The following RBM33 variants were observed in gnomAD, a reference collection of about 807,000 sequenced individuals.
The protein encoded by RBM33 is RNA-binding protein 33.
In RBM33, 28 loss-of-function variants were observed where a neutral mutation model predicts 132.6. The ratio of observed to expected loss-of-function variants is 0.21; its 90% CI spans 0.16 to 0.29. The LOEUF is 0.29. RBM33 is among the 10% of genes least tolerant of loss of function. The probability of loss-of-function intolerance (pLI) is 1.00; values close to 1 mark genes in which losing one functional copy is unlikely to be tolerated. For missense variants in RBM33, 1,291 were observed against 1,518.5 expected (o/e 0.85, Z 2.49); for synonymous variants, 634 against 593.0 (o/e 1.07, Z -1.01).
chr7:155,695,444 T>C (rs1023526135), intron 5 of RBM33, among the ~76,000 whole-genome samples: 21 of 152,064 alleles, frequency 1.4e-4, no homozygotes, highest in Admixed American at 1.3e-3. Flanking sequence ...TTCTCTGAGT[T>C]TGTGGCTTGT....
At chr7:155,743,391 C>T (rs1801413122) in intron 13 of RBM33, among the ~76,000 whole-genome samples, 1 of 152,250 alleles carries the variant, frequency 6.6e-6, no homozygotes, top group South Asian at 2.1e-4. Flanking sequence ...GCCTTTCAGG[C>T]ATCCTGCTGG....
At chr7:155,763,732 G>A in intron 14 of RBM33, 80 bp from the exon 15 acceptor site, 1 of 1,311,844 alleles carries the variant, frequency 7.6e-7, no homozygotes, top group Non-Finnish European at 1.1e-6. Context: ...AACACTGGCT[G>A]AGGTGGGCTT....
intron 9 of RBM33, among the ~76,000 whole-genome samples, chr7:155,723,129 T>C (rs1017580428): frequency 5.3e-4 from 80 of 152,360 alleles, no homozygotes; most frequent in African/African-American, 1.9e-3. Context: ...CAGGTGGCAG[T>C]GAATGATGTT....
chr7:155,644,841 G>C lies in RBM33; in HGVS notation c.-36G>C, dbSNP rs925366287. On this transcript the variant is annotated 5_prime_UTR_variant, in exon 1 of 18. Transcript: ENST00000401878. ...GGCACGTCGGCCCACCAGCTGGCTT[G>C]GTGGGGGAGGCTGAAGGCCGGGCCC... 1.4e-6 allele frequency: 2 copies of C among 1,468,056 alleles called. No homozygotes were observed. The highest frequency in any genetic ancestry group is 1.5e-5 in the African/African-American group (1 of 68,136). The allele number at this position is 1,468,056 out of a possible 1,614,324, so 90.9% of individuals were successfully genotyped here.
chr7:155,707,185 A>C, intron 7 of RBM33, 117 bp downstream of exon 7: 1 of 922,614 alleles, frequency 1.1e-6, no homozygotes, highest in Non-Finnish European at 1.7e-6. Context: ...GGTTAGTAGC[A>C]GGGGTAATGG....
intron 5 of RBM33, among the ~76,000 whole-genome samples, chr7:155,699,406 C>G (rs1028031001): frequency 6.6e-6 from 1 of 152,174 alleles, no homozygotes; most frequent in African/African-American, 2.4e-5. Context: ...TCTAGAGCAT[C>G]ATGGGAGCGG....
intron 16 of RBM33, among the ~76,000 whole-genome samples, chr7:155,771,950 G>A (rs2117083417): frequency 6.6e-6 from 1 of 152,164 alleles, no homozygotes; most frequent in East Asian, 1.9e-4. Flanking sequence ...CTTGAGTATA[G>A]TACTTCCAAA....
At chr7:155,645,247 C>T (rs117750065) in intron 1 of RBM33, 10,454 of 254,082 alleles carry the variant, frequency 0.041, 277 homozygotes, top group Non-Finnish European at 0.056. Flanking sequence ...TAGGAGAGCG[C>T]CCCCCCCACC....
chr7:155,658,615 G>C (rs1340934297), intron 1 of RBM33, among the ~76,000 whole-genome samples: 1 of 152,126 alleles, frequency 6.6e-6, no homozygotes, highest in Non-Finnish European at 1.5e-5. Context: ...TGGTCAGGTT[G>C]GTCTCAAACT....
chr7:155,734,683 C>T (rs1046474598), intron 9 of RBM33, among the ~76,000 whole-genome samples: 1 of 151,964 alleles, frequency 6.6e-6, no homozygotes, highest in African/African-American at 2.4e-5. Flanking sequence ...GTTTGAAACC[C>T]CTCCCGTGTG....
intron 1 of RBM33, among the ~76,000 whole-genome samples, chr7:155,660,514 T>C (rs960195147): frequency 1.3e-5 from 2 of 152,230 alleles, no homozygotes; most frequent in African/African-American, 4.8e-5. Context: ...GTGAATGTCT[T>C]TATGAAAGAT....
intron 4 of RBM33, 108 bp from the exon 5 acceptor site, chr7:155,680,482 T>G: frequency 2.4e-6 from 2 of 830,228 alleles, no homozygotes; most frequent in Non-Finnish European, 3.7e-6. Flanking sequence ...CTGGAATAAC[T>G]TTTTATCAGT....
Position 155,706,940 on chromosome 7 carries a change from AGGCGGGGAGGAC to A in RBM33, c.825_836del (p.Arg278_Gly281del). 1 of 1,605,734 alleles carries A rather than the reference AGGCGGGGAGGAC, an allele frequency of 6.2e-7. No homozygotes were observed. The highest frequency in any genetic ancestry group is 8.5e-7 in the Non-Finnish European group (1 of 1,176,282). On this transcript the variant is annotated inframe_deletion, in exon 7 of 18. Coordinates refer to ENST00000401878, the MANE Select transcript of RBM33 (RefSeq NM_053043.3). Reference sequence around the variant, plus strand: ...GCATAAACAAGGACGCTACAGCTCCAGGCGGGGAGGACGGCGAGGAGGTCCGCTGATGTGTCG... The same window carrying A: ...GCATAAACAAGGACGCTACAGCTCCAGGCGAGGAGGTCCGCTGATGTGTCG...
chr7:155,770,620 A>G lies in RBM33; in HGVS notation c.3376-3939A>G, dbSNP rs1342851523. On this transcript the variant is annotated intron_variant, in intron 16 of 17. Coordinates refer to ENST00000401878, the MANE Select transcript of RBM33 (RefSeq NM_053043.3). ...TTTTTTTTTTTTTTTTTTTCCTTTAAGTGATTCCTTAAGGTGCTAGAATTG... is the reference window on the plus strand; with the variant it reads ...TTTTTTTTTTTTTTTTTTTCCTTTAGGTGATTCCTTAAGGTGCTAGAATTG... Among the ~76,000 whole-genome samples the G allele has an allele frequency of 3.8e-4, 53 of 140,892 alleles. 1 individual carries two copies. Among genetic ancestry groups the G allele is most frequent in the Non-Finnish European group, 6.1e-5 (4 of 65,872 alleles). 92.4% of individuals were successfully genotyped at this position (140,892 alleles called of 152,430 possible).
At chr7:155,688,525 T>A (rs959360971) in intron 5 of RBM33, among the ~76,000 whole-genome samples, 3 of 151,966 alleles carry the variant, frequency 2.0e-5, no homozygotes, top group Non-Finnish European at 4.4e-5. Context: ...TGAATAGGAG[T>A]GGTGAGAGAG....
chr7:155,708,158 CAA>C (rs1282896091), intron 7 of RBM33, among the ~76,000 whole-genome samples: 2 of 152,152 alleles, frequency 1.3e-5, no homozygotes, highest in African/African-American at 4.8e-5. Flanking sequence ...TGTGAAATAA[CAA>C]AGTAGAAGAG....
rs550961115 is a variant in RBM33, at chr7:155,645,768, G to A, written c.43+849G>A. Among the ~76,000 whole-genome samples the A allele has an allele frequency of 9.2e-5, 14 of 152,284 alleles. No individual in the cohort carries two copies. The South Asian group carries it at 2.9e-3, about 32-fold the overall frequency. The stretch of plus-strand genomic sequence containing the variant: ...AAATATGGATAACAAAAGCATTTGG[G>A]ATTAGTTCTTACCATTGAAACGTTG... On this transcript the variant is annotated intron_variant, in intron 1 of 17. Coordinates refer to ENST00000401878, the MANE Select transcript of RBM33 (RefSeq NM_053043.3).
rs373347156 is a variant in RBM33 at position 155,774,969 on chromosome 7, G to A, written c.3465-24G>A. The A allele has an allele frequency of 2.0e-5, 33 of 1,612,136 alleles. No individual in the cohort carries two copies. The highest frequency in any genetic ancestry group is 8.9e-5 in the East Asian group (4 of 44,892). The stretch of plus-strand genomic sequence containing the variant: ...ATTGCCGATGTGCAGGGTTAGTGTC[G>A]ATCGTTTCTTTAAATTTTCACAGGC... On this transcript the variant is annotated intron_variant, in intron 17 of 17. Coordinates refer to ENST00000401878, the MANE Select transcript of RBM33 (RefSeq NM_053043.3). The surrounding 1 kb of genome is among the most constrained non-coding windows in gnomAD (Gnocchi z 4.2).
chr7:155,675,586 G>A (rs1004045215), intron 3 of RBM33, among the ~76,000 whole-genome samples: 7 of 152,162 alleles, frequency 4.6e-5, no homozygotes, highest in South Asian at 2.1e-4. Context: ...GGTGTCCGTC[G>A]TCCAGCCTCA....
Sources: allele counts gnomAD v4.1 joint callset (sites outside exome capture counted in the v4.1 genomes callset), GRCh38; gene constraint gnomAD v4.1.1; non-coding constraint Gnocchi (gnomAD v3.1); transcripts MANE v1.5; gene names NCBI Gene and HGNC (gene_info 2026-07-23, HGNC 2026-07-21).